Variants in MBOAT2 observed in about 807,000 individuals in gnomAD.
MBOAT2 encodes membrane-bound glycerophospholipid O-acyltransferase 2.
A neutral mutation model predicts 63.4 loss-of-function variants in MBOAT2; 28 were observed. The observed-to-expected ratio is 0.44, with a 90% CI of 0.33 to 0.61. The LOEUF is 0.61. MBOAT2 is among the 20% of genes least tolerant of loss of function. The pLI, the probability that MBOAT2 is intolerant of heterozygous loss-of-function variation, is 0.03. For missense variants in MBOAT2, 470 were observed against 605.8 expected, an observed-to-expected ratio of 0.78 and a Z score of 2.35; for synonymous variants, 211 against 215.6, an observed-to-expected ratio of 0.98 and a Z score of 0.19.
At chr2:8,892,289 C>CT (rs1018127656) in intron 4 of MBOAT2, among the ~76,000 whole-genome samples, 2 of 152,170 alleles carry the variant, frequency 1.3e-5, no homozygotes, top group Non-Finnish European at 2.9e-5. Flanking sequence ...CGGAGGCAAA[C>CT]TGTTAACTGT....
chr2:8,945,043 C>T (rs1457034324), intron 2 of MBOAT2, among the ~76,000 whole-genome samples: 2 of 152,146 alleles, frequency 1.3e-5, no homozygotes, highest in Non-Finnish European at 2.9e-5. Flanking sequence ...TATATCATAA[C>T]TTTAGAAGCT....
At chr2:8,964,433 C>A (rs938921236) in intron 1 of MBOAT2, among the ~76,000 whole-genome samples, 13 of 150,052 alleles carry the variant, frequency 8.7e-5, no homozygotes, top group Non-Finnish European at 1.6e-4. Context: ...CAGAGTAGAA[C>A]CTCCAAGTCA....
intron 2 of MBOAT2, among the ~76,000 whole-genome samples, chr2:8,952,050 G>T (rs1668873633): frequency 6.6e-6 from 1 of 152,020 alleles, no homozygotes; most frequent in Admixed American, 6.6e-5. Flanking sequence ...TTTTGAGGTG[G>T]GTGTTTAACA....
Position 8,909,170 on chromosome 2 carries a change from A to ACATGG in MBOAT2, c.300-455_300-454insCCATG, listed in dbSNP as rs557960186. ...AGTATGAGTCGGGTGGCATTTACAC[A>ACATGG]CATTTCATAGCCATGAACACTTACT... On this transcript the variant is annotated intron_variant, in intron 3 of 12. Coordinates refer to ENST00000305997, the MANE Select transcript of MBOAT2 (RefSeq NM_138799.4). Among the ~76,000 whole-genome samples, 39 of 152,360 alleles carry ACATGG rather than the reference A, an allele frequency of 2.6e-4. No individual in the cohort carries two copies. In the East Asian group the frequency reaches 6.9e-3, roughly 27 times the overall value.
intron 7 of MBOAT2, among the ~76,000 whole-genome samples, chr2:8,875,126 A>G (rs1041651182): frequency 1.3e-5 from 2 of 152,242 alleles, no homozygotes; most frequent in African/African-American, 4.8e-5. Flanking sequence ...CCCCAACAGA[A>G]GAGCCAGTGG....
Position 8,912,299 on chromosome 2 carries a change from AAAAGAAAGAAAG to A in MBOAT2, c.300-3595_300-3584del, listed in dbSNP as rs35633754. On this transcript the variant is annotated intron_variant, in intron 3 of 12. Transcript: ENST00000305997. ...ACAGAAAGACAGAAGGAAAAGAAAG[AAAAGAAAGAAAG>A]AAAGAAAGAAAGAAAGAAAGAAAGA... 5.3e-3 allele frequency among the ~76,000 whole-genome samples: 250 copies of A among 46,878 alleles called. 2 individuals carry two copies. Among genetic ancestry groups the A allele is most frequent in the East Asian group, 0.02 (29 of 1,416 alleles). The allele number at this position is 46,878 out of a possible 152,430, so 30.8% of individuals were successfully genotyped here.
At chr2:8,911,831 C>A (rs75543614) in intron 3 of MBOAT2, among the ~76,000 whole-genome samples, 7,408 of 152,156 alleles carry the variant, frequency 0.049, 180 homozygotes, top group Middle Eastern at 0.058. Flanking sequence ...GCCAAATAAA[C>A]CTTTTCTCTA....
intron 1 of MBOAT2, among the ~76,000 whole-genome samples, chr2:9,001,473 A>G (rs1459670513): frequency 6.6e-6 from 1 of 152,204 alleles, no homozygotes; most frequent in African/African-American, 2.4e-5. Flanking sequence ...GGAATTGTTC[A>G]GCTCCATCAT....
chr2:8,912,351 G>GAAAGAGAA lies in MBOAT2; in HGVS notation c.300-3636_300-3635insTTCTCTTT, dbSNP rs1553362293. On this transcript the variant is annotated intron_variant, in intron 3 of 12. Transcript: ENST00000305997. ...AGAAAGAAAGAAAGAAAGAAAGAAA[G>GAAAGAGAA]AGAAAGAAAGAAAGAAAGAAAGAGA... 1.0e-3 allele frequency among the ~76,000 whole-genome samples: 70 copies of GAAAGAGAA among 69,834 alleles called. 1 individual carries two copies. The highest frequency in any genetic ancestry group is 6.7e-4 in the Non-Finnish European group (24 of 36,028). The allele number at this position is 69,834 out of a possible 152,430, so 45.8% of individuals were successfully genotyped here.
At chr2:8,922,291 A>C (rs1666631448) in intron 3 of MBOAT2, among the ~76,000 whole-genome samples, 1 of 152,066 alleles carries the variant, frequency 6.6e-6, no homozygotes, top group Non-Finnish European at 1.5e-5. Flanking sequence ...AATTCTTTAA[A>C]TGTATTTATA....
At chr2:8,990,992 C>G (rs1330389948) in intron 1 of MBOAT2, among the ~76,000 whole-genome samples, 2 of 152,146 alleles carry the variant, frequency 1.3e-5, no homozygotes, top group African/African-American at 4.8e-5. Context: ...CTACCTTCAT[C>G]TTCTTGGCTC....
intron 4 of MBOAT2, among the ~76,000 whole-genome samples, chr2:8,902,296 C>T (rs184721900): frequency 1.4e-3 from 217 of 152,264 alleles, no homozygotes; most frequent in Middle Eastern, 0.014. Flanking sequence ...GAAAGGGGTC[C>T]GATGGTACTC....
chr2:8,962,019 C>A (rs764988251), intron 1 of MBOAT2, among the ~76,000 whole-genome samples: 56 of 152,172 alleles, frequency 3.7e-4, no homozygotes, highest in Admixed American at 9.2e-4. Flanking sequence ...CTCCCTTCTG[C>A]CAGCTCCCCA....
At position 8,862,207 on chromosome 2, in the gene MBOAT2, G is replaced by T; in HGVS notation, c.1185+383C>A. On this transcript the variant is annotated intron_variant, in intron 11 of 12. Transcript: ENST00000305997. This position sits in a 1 kb window ranked among gnomAD's most constrained non-coding sequence, Gnocchi z 4.3. The stretch of plus-strand genomic sequence containing the variant: ...CACTGTCTTGGCCTCGCACAGCCTA[G>T]TCTTCATCTGAGAGAGGACTCAAAG... 1.0e-6 allele frequency: 1 copy of T among 1,001,644 alleles called. No individual in the cohort carries two copies. Among genetic ancestry groups the T allele is most frequent in the Non-Finnish European group, 1.3e-6 (1 of 752,598 alleles). The allele number at this position is 1,001,644 out of a possible 1,614,324, so 62.0% of individuals were successfully genotyped here. A position where few individuals can be genotyped will look rare whatever the true frequency, so the allele number is the denominator to read the frequency against.
At chr2:8,869,322 C>T (rs1274439745) in intron 8 of MBOAT2, among the ~76,000 whole-genome samples, 1 of 151,044 alleles carries the variant, frequency 6.6e-6, no homozygotes, top group Non-Finnish European at 1.5e-5. Flanking sequence ...GCTGGCATTT[C>T]AGGCAAGAGC....
At chr2:8,941,905 T>C (rs1573115885) in intron 3 of MBOAT2, among the ~76,000 whole-genome samples, 1 of 152,234 alleles carries the variant, frequency 6.6e-6, no homozygotes, top group Admixed American at 6.5e-5. Context: ...CCAAAATGTA[T>C]GTAAGTCCCC....
At chr2:8,927,986 G>T (rs1667053073) in intron 3 of MBOAT2, among the ~76,000 whole-genome samples, 1 of 152,076 alleles carries the variant, frequency 6.6e-6, no homozygotes, top group South Asian at 2.1e-4. Flanking sequence ...TTATAATCAT[G>T]GCAGAAGGTG....
At chr2:8,933,400 G>A (rs959186386) in intron 3 of MBOAT2, among the ~76,000 whole-genome samples, 1 of 152,268 alleles carries the variant, frequency 6.6e-6, no homozygotes, top group African/African-American at 2.4e-5. Context: ...CCAGGCTGGA[G>A]TACAGTGGCA....
chr2:8,879,382 A>C lies in MBOAT2; in HGVS notation c.507-2169T>G, dbSNP rs139923862. 1.1e-3 allele frequency among the ~76,000 whole-genome samples: 160 copies of C among 152,358 alleles called. 1 individual carries two copies. Among genetic ancestry groups the C allele is most frequent in the South Asian group, 2.5e-3 (12 of 4,830 alleles). ...AGTTCTAAACCATGAAACTGGCTTAAGTAATTTTTGGCTCAACTGTCATAT... is the reference window on the plus strand; with the variant it reads ...AGTTCTAAACCATGAAACTGGCTTACGTAATTTTTGGCTCAACTGTCATAT... On this transcript the variant is annotated intron_variant, in intron 6 of 12. Coordinates refer to ENST00000305997, the MANE Select transcript of MBOAT2 (RefSeq NM_138799.4).
Sources: gnomAD v4.1 joint callset for allele counts (sites outside exome capture counted in the v4.1 genomes callset) on GRCh38, gnomAD v4.1.1 for gene constraint, Gnocchi (gnomAD v3.1) non-coding constraint, MANE v1.5 for transcripts, NCBI Gene and HGNC (gene_info 2026-07-23, HGNC 2026-07-21) for gene names.